PIK3C2G: variants seen among roughly 807,000 people sequenced by gnomAD.
PIK3C2G encodes the protein phosphatidylinositol 3-kinase C2 domain-containing subunit gamma.
Under a neutral mutation model 181.1 loss-of-function variants are expected in PIK3C2G, and 168 were observed. The observed-to-expected ratio is 0.93, with a 90% CI of 0.82 to 1.05. The LOEUF is 1.05. Ranked by LOEUF, PIK3C2G falls within the 50% of genes least tolerant of loss-of-function variation. The pLI is 0.00. For synonymous variants in PIK3C2G, 573 were observed against 592.2 expected, an observed-to-expected ratio of 0.97 and a Z score of 0.47; for missense variants, 1,869 against 1,732.8, an observed-to-expected ratio of 1.08 and a Z score of -1.40.
intron 16 of PIK3C2G, among the ~76,000 whole-genome samples, chr12:18,413,898 G>GT (rs1249252136): frequency 6.6e-6 from 1 of 152,088 alleles, no homozygotes; most frequent in Non-Finnish European, 1.5e-5. Context: ...GAAATAATGC[G>GT]TAGCCCTCAC....
intron 32 of PIK3C2G, among the ~76,000 whole-genome samples, chr12:18,640,919 T>C (rs957598346): frequency 1.3e-5 from 2 of 152,190 alleles, no homozygotes; most frequent in African/African-American, 2.4e-5. Context: ...GGTATAACAG[T>C]AAATCTCATA....
intron 1 of PIK3C2G, among the ~76,000 whole-genome samples, chr12:18,262,949 C>A (rs1373627115): frequency 6.6e-6 from 1 of 152,076 alleles, no homozygotes; most frequent in African/African-American, 2.4e-5. Flanking sequence ...ATAATCATAG[C>A]AAAATATGAT....
intron 24 of PIK3C2G, among the ~76,000 whole-genome samples, chr12:18,518,181 T>C (rs1942671420): frequency 6.6e-6 from 1 of 152,198 alleles, no homozygotes; most frequent in African/African-American, 2.4e-5. Context: ...ATCAGGGATG[T>C]TGGCCTGAAG....
At chr12:18,577,777 C>G (rs1020693750) in intron 29 of PIK3C2G, among the ~76,000 whole-genome samples, 1 of 152,128 alleles carries the variant, frequency 6.6e-6, no homozygotes, top group Non-Finnish European at 1.5e-5. Context: ...GGGTACCATA[C>G]CTTCCTGAGA....
At chr12:18,599,817 A>G (rs1947609556) in intron 30 of PIK3C2G, among the ~76,000 whole-genome samples, 1 of 151,978 alleles carries the variant, frequency 6.6e-6, no homozygotes, top group Non-Finnish European at 1.5e-5. Flanking sequence ...CTTGATGAAG[A>G]AAAAGAGGAA....
At chr12:18,481,676 C>T (rs185980693) in intron 18 of PIK3C2G, among the ~76,000 whole-genome samples, 1 of 152,114 alleles carries the variant, frequency 6.6e-6, no homozygotes, top group Non-Finnish European at 1.5e-5. Context: ...ATTGCTTAGC[C>T]ATGCTCATCC....
Position 18,503,341 on chromosome 12 carries a change from T to G in PIK3C2G, c.3077T>G (p.Leu1026Arg). 1 of 1,611,306 alleles carries G rather than the reference T, an allele frequency of 6.2e-7. No individual in the cohort carries two copies. The highest frequency in any genetic ancestry group is 1.1e-5 in the South Asian group (1 of 90,898). Reference protein sequence around the residue: ...TLAKIHRHSGLIGPLKENTIK... With the variant: ...TLAKIHRHSGRIGPLKENTIK... ...GCAAAGATTCATCGCCATTCTGGACTGATAGGACCATTGAAAGAAAATACA... is the reference window on the plus strand; with the variant it reads ...GCAAAGATTCATCGCCATTCTGGACGGATAGGACCATTGAAAGAAAATACA... The change falls in exon 23 of 33, where the codon CTG becomes CGG. Residue 1026 changes from leucine (L) to arginine (R), a missense_variant. Coordinates refer to ENST00000538779, the MANE Select transcript of PIK3C2G (RefSeq NM_001288772.2).
chr12:18,419,860 T>C (rs112223889), intron 16 of PIK3C2G, among the ~76,000 whole-genome samples: 10 of 152,280 alleles, frequency 6.6e-5, no homozygotes, highest in African/African-American at 2.4e-4. Flanking sequence ...TTTACTTGAC[T>C]CGATGGCGGC....
intron 18 of PIK3C2G, among the ~76,000 whole-genome samples, chr12:18,455,779 C>A (rs1212233284): frequency 6.6e-6 from 1 of 152,068 alleles, no homozygotes; most frequent in Non-Finnish European, 1.5e-5. Flanking sequence ...ACCTTCATGA[C>A]CTAATCACAT....
chr12:18,700,201 T>C, the PIK3C2G span, among the ~76,000 whole-genome samples: 2 of 152,112 alleles, frequency 1.3e-5, no homozygotes, highest in Non-Finnish European at 2.9e-5. Context: ...ATTATTACTA[T>C]TTATTTTTTT....
chr12:18,610,586 C>T (rs1592710882), intron 31 of PIK3C2G, among the ~76,000 whole-genome samples: 1 of 152,018 alleles, frequency 6.6e-6, no homozygotes. Flanking sequence ...AGTATCTGGG[C>T]AAATATTTTA....
At position 18,486,100 on chromosome 12, in the gene PIK3C2G, C is replaced by T. The variant is rs141969635; in HGVS notation, c.2505-2349C>T. Among the ~76,000 whole-genome samples the T allele has an allele frequency of 7.8e-4, 119 of 152,170 alleles. 1 individual carries two copies. Among genetic ancestry groups the T allele is most frequent in the African/African-American group, 2.7e-3 (114 of 41,538 alleles). ...AAAATACAGGAATAGAATAATTGACCTCTCGTGTTCATCTCCAGCACTCTA... is the reference window on the plus strand; with the variant it reads ...AAAATACAGGAATAGAATAATTGACTTCTCGTGTTCATCTCCAGCACTCTA... On this transcript the variant is annotated intron_variant, in intron 18 of 32. Coordinates refer to ENST00000538779, the MANE Select transcript of PIK3C2G (RefSeq NM_001288772.2).
intron 16 of PIK3C2G, among the ~76,000 whole-genome samples, chr12:18,401,687 G>C (rs2138140392): frequency 6.6e-6 from 1 of 152,202 alleles, no homozygotes; most frequent in South Asian, 2.1e-4. Flanking sequence ...TAACCCAACT[G>C]TAAAATGGAC....
At chr12:18,292,509 G>A (rs972222873) in intron 4 of PIK3C2G, among the ~76,000 whole-genome samples, 3 of 151,694 alleles carry the variant, frequency 2.0e-5, no homozygotes, top group Admixed American at 6.6e-5. Context: ...GTTCCTAAAA[G>A]CCAGATTCTG....
At chr12:18,426,130 T>A (rs572030198) in intron 18 of PIK3C2G, among the ~76,000 whole-genome samples, 6 of 152,310 alleles carry the variant, frequency 3.9e-5, no homozygotes, top group African/African-American at 1.4e-4. Context: ...CATAGATGCA[T>A]CATTTTTGAA....
chr12:18,596,608 C>G (rs1160036617), intron 30 of PIK3C2G, among the ~76,000 whole-genome samples: 3 of 152,070 alleles, frequency 2.0e-5, no homozygotes, highest in Non-Finnish European at 4.4e-5. Context: ...TCAAACACAG[C>G]AATTGTCAGG....
chr12:18,367,210 G>A (rs1458141125), intron 12 of PIK3C2G, among the ~76,000 whole-genome samples: 1 of 152,164 alleles, frequency 6.6e-6, no homozygotes, highest in Non-Finnish European at 1.5e-5. Context: ...GAACATTAAA[G>A]AAATTGCTGT....
At chr12:18,694,963 A>G in the PIK3C2G span, 1 of 1,606,382 alleles carries the variant, frequency 6.2e-7, no homozygotes. Flanking sequence ...GGGTTAAAGT[A>G]TGATTTACTC....
the PIK3C2G span, among the ~76,000 whole-genome samples, chr12:18,709,234 C>A: frequency 7.3e-6 from 1 of 137,908 alleles, no homozygotes; most frequent in Non-Finnish European, 1.6e-5. Context: ...TTTAGCATGT[C>A]GAAATTCAGT....
Sources: gnomAD v4.1 joint callset for allele counts (sites outside exome capture counted in the v4.1 genomes callset) on GRCh38, gnomAD v4.1.1 for gene constraint, MANE v1.5 for transcripts, NCBI Gene and HGNC (gene_info 2026-07-23, HGNC 2026-07-21) for gene names.